ZNF804B: variants seen among roughly 807,000 people sequenced by gnomAD.
ZNF804B encodes the protein zinc finger 804B.
Under a neutral mutation model 101.4 loss-of-function variants are expected in ZNF804B, and 80 were observed. The ratio of observed to expected loss-of-function variants is 0.79; its 90% CI spans 0.66 to 0.95. The LOEUF (loss-of-function observed/expected upper bound fraction) is 0.95, where lower values mean the gene tolerates loss of function less well. Among genes scored for constraint, ZNF804B ranks in the 40% least tolerant of loss-of-function variants. The pLI is 0.00. For synonymous variants in ZNF804B, 622 were observed against 558.8 expected, an observed-to-expected ratio of 1.11 and a Z score of -1.59; for missense variants, 1,673 against 1,561.9, an observed-to-expected ratio of 1.07 and a Z score of -1.20.
At chr7:88,940,768 A>AAATAATAATAATAATAATAAT (rs71120045) in intron 1 of ZNF804B, among the ~76,000 whole-genome samples, 10 of 139,488 alleles carry the variant, frequency 7.2e-5, no homozygotes, top group East Asian at 4.2e-4. Context: ...ACCCTATTTA[A>AAATAATAATAATAATAATAAT]AATAATAATA....
chr7:89,202,475 A>T (rs939626400), intron 1 of ZNF804B, among the ~76,000 whole-genome samples: 14 of 152,142 alleles, frequency 9.2e-5, no homozygotes, highest in African/African-American at 3.4e-4. Context: ...CTTGAAACAG[A>T]AAACTTTTAT....
intron 1 of ZNF804B, among the ~76,000 whole-genome samples, chr7:89,191,585 C>A (rs1395689189): frequency 1.3e-5 from 2 of 152,038 alleles, no homozygotes; most frequent in Admixed American, 6.6e-5. Flanking sequence ...AACTGTCTTA[C>A]CCACTGAAGC....
intron 1 of ZNF804B, among the ~76,000 whole-genome samples, chr7:88,858,013 G>T (rs1311068841): frequency 1.3e-5 from 2 of 151,718 alleles, no homozygotes; most frequent in Non-Finnish European, 2.9e-5. Context: ...AGTAGAGACA[G>T]GGTTTTGCCA....
At chr7:88,774,168 A>G (rs1790109930) in intron 1 of ZNF804B, among the ~76,000 whole-genome samples, 1 of 150,520 alleles carries the variant, frequency 6.6e-6, no homozygotes, top group Non-Finnish European at 1.5e-5. Flanking sequence ...ATTTTTATCT[A>G]GAGACTTTTC....
intron 1 of ZNF804B, among the ~76,000 whole-genome samples, chr7:88,788,748 T>C (rs1790338683): frequency 6.6e-6 from 1 of 152,084 alleles, no homozygotes; most frequent in African/African-American, 2.4e-5. Flanking sequence ...AGTCATTATC[T>C]CTTAGATGGG....
At chr7:89,270,524 G>A (rs1393344257) in intron 2 of ZNF804B, among the ~76,000 whole-genome samples, 1 of 152,114 alleles carries the variant, frequency 6.6e-6, no homozygotes, top group Non-Finnish European at 1.5e-5. Context: ...TGCCCTTTTG[G>A]CTTAGGATTG....
chr7:89,088,906 T>G (rs1284127548), intron 1 of ZNF804B, among the ~76,000 whole-genome samples: 1 of 151,972 alleles, frequency 6.6e-6, no homozygotes, highest in Non-Finnish European at 1.5e-5. Context: ...TGAACAGTCG[T>G]CCTGCTACAG....
intron 1 of ZNF804B, among the ~76,000 whole-genome samples, chr7:88,896,684 G>T (rs1792289664): frequency 6.6e-6 from 1 of 152,128 alleles, no homozygotes; most frequent in Non-Finnish European, 1.5e-5. Context: ...TCTCTGGGAG[G>T]TAATACTTAA....
At chr7:88,879,893 G>A (rs116635216) in intron 1 of ZNF804B, among the ~76,000 whole-genome samples, 7 of 151,916 alleles carry the variant, frequency 4.6e-5, no homozygotes, top group African/African-American at 1.5e-4. Flanking sequence ...ACAAAAATTA[G>A]TCGGGTGTAG....
At chr7:88,945,830 T>C (rs1370121410) in intron 1 of ZNF804B, among the ~76,000 whole-genome samples, 3 of 151,972 alleles carry the variant, frequency 2.0e-5, no homozygotes, top group African/African-American at 4.8e-5. Flanking sequence ...ATTCCTAGGT[T>C]ATTTTATTCT....
Position 89,094,149 on chromosome 7 carries a change from T to C in ZNF804B, c.109-124006T>C, listed in dbSNP as rs192911976. 2.3e-4 allele frequency among the ~76,000 whole-genome samples: 35 copies of C among 152,342 alleles called. No homozygotes were observed. In the East Asian group the frequency reaches 5.8e-3, roughly 25 times the overall value. On this transcript the variant is annotated intron_variant, in intron 1 of 3. Coordinates refer to ENST00000333190, the MANE Select transcript of ZNF804B (RefSeq NM_181646.5). ...CTAATATTTATTGCAAGCTATTGAA[T>C]TGTAGATATCATTCTAGGCCATTTA...
intron 1 of ZNF804B, among the ~76,000 whole-genome samples, chr7:89,040,207 A>G (rs1788994630): frequency 6.6e-6 from 1 of 151,616 alleles, no homozygotes; most frequent in East Asian, 1.9e-4. Context: ...TAAATCTCTT[A>G]TTTATTTATA....
chr7:88,884,529 G>T (rs1045276270), intron 1 of ZNF804B, among the ~76,000 whole-genome samples: 3 of 151,546 alleles, frequency 2.0e-5, no homozygotes, highest in African/African-American at 4.8e-5. Flanking sequence ...ACACCTATAT[G>T]ACCTTGATTC....
intron 1 of ZNF804B, among the ~76,000 whole-genome samples, chr7:88,914,058 T>A (rs1329370414): frequency 6.6e-6 from 1 of 152,154 alleles, no homozygotes; most frequent in East Asian, 1.9e-4. Flanking sequence ...TGCCTCCTAT[T>A]GAATGTGCCT....
chr7:88,863,348 A>G (rs1171417612), intron 1 of ZNF804B, among the ~76,000 whole-genome samples: 1 of 152,206 alleles, frequency 6.6e-6, no homozygotes, highest in Non-Finnish European at 1.5e-5. Context: ...TTGGTGTGCC[A>G]TGCCCATTCA....
intron 1 of ZNF804B, among the ~76,000 whole-genome samples, chr7:88,767,026 ATCT>A: frequency 6.6e-6 from 1 of 152,224 alleles, no homozygotes. Flanking sequence ...TTCTTAAACA[ATCT>A]TCTTCCTCTC....
At chr7:89,026,408 G>A in intron 1 of ZNF804B, among the ~76,000 whole-genome samples, 1 of 152,114 alleles carries the variant, frequency 6.6e-6, no homozygotes, top group Non-Finnish European at 1.5e-5. Context: ...ACACACAGGG[G>A]GAAGAGCACA....
At chr7:89,078,900 A>G (rs1352277589) in intron 1 of ZNF804B, among the ~76,000 whole-genome samples, 1 of 152,050 alleles carries the variant, frequency 6.6e-6, no homozygotes, top group Non-Finnish European at 1.5e-5. Context: ...TACTTTATTC[A>G]TTCAGGTAGA....
chr7:88,891,865 A>G (rs953655691), intron 1 of ZNF804B, among the ~76,000 whole-genome samples: 3 of 152,000 alleles, frequency 2.0e-5, no homozygotes, highest in African/African-American at 7.2e-5. Flanking sequence ...CATTAGGTAT[A>G]TGCTATCCCT....
Sources: gnomAD v4.1 joint callset for allele counts (sites outside exome capture counted in the v4.1 genomes callset) on GRCh38, gnomAD v4.1.1 for gene constraint, MANE v1.5 for transcripts, NCBI Gene and HGNC (gene_info 2026-07-23, HGNC 2026-07-21) for gene names.